Variants in FSTL4 observed in about 807,000 individuals in gnomAD.
FSTL4 encodes follistatin like 4, also known as follistatin-related protein 4.
FSTL4 carries 28 observed loss-of-function variants against 78.2 expected under a neutral mutation model. That is an observed-to-expected ratio of 0.36 (90% CI 0.27 to 0.49). FSTL4 has a LOEUF of 0.49. FSTL4 is among the 20% of genes least tolerant of loss of function. FSTL4 has a pLI of 0.98. For synonymous variants in FSTL4, 422 were observed against 440.5 expected, an observed-to-expected ratio of 0.96 and a Z score of 0.53; for missense variants, 922 against 1,084.9, an observed-to-expected ratio of 0.85 and a Z score of 2.11.
intron 8 of FSTL4, among the ~76,000 whole-genome samples, chr5:133,228,995 T>C (rs1272670720): frequency 1.3e-5 from 2 of 152,184 alleles, no homozygotes; most frequent in East Asian, 3.8e-4. Context: ...GATTAATTGG[T>C]ACGTAACGAG....
chr5:133,711,357 C>A, the FSTL4 span, among the ~76,000 whole-genome samples: 1 of 152,148 alleles, frequency 6.6e-6, no homozygotes, highest in Non-Finnish European at 1.5e-5. Context: ...GACTCAGGAG[C>A]CTGCAGTACA....
At chr5:133,207,558 C>T (rs188414250) in intron 14 of FSTL4, among the ~76,000 whole-genome samples, 2 of 152,340 alleles carry the variant, frequency 1.3e-5, no homozygotes, top group Admixed American at 6.5e-5. Context: ...TTTCAAACAA[C>T]ATTCTCTGTA....
At chr5:133,786,302 C>T in the FSTL4 span, among the ~76,000 whole-genome samples, 13 of 152,286 alleles carry the variant, frequency 8.5e-5, no homozygotes, top group East Asian at 7.7e-4. Context: ...TTTTAACGGC[C>T]GCAGTTAAAT....
At chr5:133,244,574 G>A (rs759912939) in intron 7 of FSTL4, 4 of 152,298 alleles carry the variant, frequency 2.6e-5, no homozygotes, top group Non-Finnish European at 4.4e-5. Context: ...AACAGAAGGC[G>A]GCGTCATAAT....
intron 3 of FSTL4, among the ~76,000 whole-genome samples, chr5:133,502,047 G>A (rs952850091): frequency 6.6e-6 from 1 of 152,200 alleles, no homozygotes; most frequent in African/African-American, 2.4e-5. Context: ...GGGCAGGAAG[G>A]CCTCCTTTCT....
At chr5:133,624,309 AT>A in the FSTL4 span, among the ~76,000 whole-genome samples, 1 of 152,026 alleles carries the variant, frequency 6.6e-6, no homozygotes, top group Admixed American at 6.6e-5. Flanking sequence ...ACATAGCTGA[AT>A]CTCAAAAACA....
chr5:133,764,269 A>G, the FSTL4 span, among the ~76,000 whole-genome samples: 1 of 152,150 alleles, frequency 6.6e-6, no homozygotes, highest in African/African-American at 2.4e-5. Context: ...TCCTTCAGGA[A>G]GATGCCAGGC....
the FSTL4 span, among the ~76,000 whole-genome samples, chr5:133,800,648 T>G: frequency 7.3e-6 from 1 of 137,246 alleles, no homozygotes; most frequent in East Asian, 2.0e-4. Flanking sequence ...AAATAACTAC[T>G]TCGCAGCCCT....
chr5:133,323,159 C>T (rs1462172273), intron 4 of FSTL4, among the ~76,000 whole-genome samples: 1 of 152,162 alleles, frequency 6.6e-6, no homozygotes, highest in Non-Finnish European at 1.5e-5. Context: ...TAATGACAGT[C>T]ACCACAAGGT....
rs186216078 is a variant in FSTL4, at chr5:133,402,673, A to T, written c.161-1687T>A. On this transcript the variant is annotated intron_variant, in intron 3 of 15. Coordinates refer to ENST00000265342, the MANE Select transcript of FSTL4 (RefSeq NM_015082.2). Reference sequence around the variant, plus strand: ...TCATTACAGATTTGAAAGGAAAAAAAATCAGTTATCGGCAGATTAACTGCT... The same window carrying T: ...TCATTACAGATTTGAAAGGAAAAAATATCAGTTATCGGCAGATTAACTGCT... 4.0e-3 allele frequency among the ~76,000 whole-genome samples: 617 copies of T among 152,350 alleles called. 2 individuals are homozygous for T. Among genetic ancestry groups the T allele is most frequent in the African/African-American group, 0.014 (588 of 41,580 alleles).
At chr5:133,814,087 A>G in the FSTL4 span, among the ~76,000 whole-genome samples, 1 of 152,258 alleles carries the variant, frequency 6.6e-6, no homozygotes, top group South Asian at 2.1e-4. Flanking sequence ...CAAGGACAGC[A>G]ACAGCCTGCT....
At chr5:133,458,067 G>A (rs539854249) in intron 3 of FSTL4, 8 of 152,228 alleles carry the variant, frequency 5.3e-5, no homozygotes, top group Admixed American at 3.9e-4. Context: ...CCCATTCTGC[G>A]CAGTGAACAG....
chr5:133,657,445 G>A, the FSTL4 span, among the ~76,000 whole-genome samples: 277 of 151,710 alleles, frequency 1.8e-3, 1 homozygote, highest in Middle Eastern at 0.01. Flanking sequence ...TTGGTCCTCA[G>A]GTGCACAGAG....
At chr5:133,326,107 G>A (rs922015980) in intron 4 of FSTL4, among the ~76,000 whole-genome samples, 1 of 152,192 alleles carries the variant, frequency 6.6e-6, no homozygotes, top group Non-Finnish European at 1.5e-5. Context: ...TCTAATTTAG[G>A]AGCTGCCGTA....
chr5:133,674,625 G>GTGTA, the FSTL4 span, among the ~76,000 whole-genome samples: 5 of 151,820 alleles, frequency 3.3e-5, no homozygotes, highest in Non-Finnish European at 5.9e-5. Flanking sequence ...GTGTGTGTGT[G>GTGTA]TGTGTTAATA....
At chr5:133,203,112 A>C (rs1750382246) in intron 14 of FSTL4, among the ~76,000 whole-genome samples, 1 of 152,252 alleles carries the variant, frequency 6.6e-6, no homozygotes, top group South Asian at 2.1e-4. Flanking sequence ...CCCAGAAAGC[A>C]GCAGACCAGT....
At position 133,462,598 on chromosome 5, in the gene FSTL4, C is replaced by T. The variant is rs572040658; in HGVS notation, c.161-61612G>A. Among the ~76,000 whole-genome samples the T allele has an allele frequency of 1.3e-4, 20 of 152,256 alleles. No homozygotes were observed. The East Asian group carries it at 3.1e-3, about 24-fold the overall frequency. On this transcript the variant is annotated intron_variant, in intron 3 of 15. Coordinates refer to ENST00000265342, the MANE Select transcript of FSTL4 (RefSeq NM_015082.2). Reference sequence around the variant, plus strand: ...CCCACTTCCATGACAACGATTGGTTCGGGAAGGAGCCGGTAGACTACCCTG... The same window carrying T: ...CCCACTTCCATGACAACGATTGGTTTGGGAAGGAGCCGGTAGACTACCCTG...
the FSTL4 span, among the ~76,000 whole-genome samples, chr5:133,715,163 A>G: frequency 6.6e-6 from 1 of 152,252 alleles, no homozygotes; most frequent in African/African-American, 2.4e-5. Flanking sequence ...TATGAAAGCA[A>G]ACAAATTAGG....
the FSTL4 span, among the ~76,000 whole-genome samples, chr5:133,831,649 A>G: frequency 1.3e-5 from 2 of 152,222 alleles, no homozygotes; most frequent in Non-Finnish European, 2.9e-5. Flanking sequence ...CTGATTACTC[A>G]GTTGCCAGAA....
Sources: gnomAD v4.1 joint callset for allele counts (sites outside exome capture counted in the v4.1 genomes callset) on GRCh38, gnomAD v4.1.1 for gene constraint, MANE v1.5 for transcripts, NCBI Gene and HGNC (gene_info 2026-07-23, HGNC 2026-07-21) for gene names.